The following AREG variants were observed in gnomAD, a reference collection of about 807,000 sequenced individuals.
AREG encodes the protein amphiregulin, also known as amphiregulin B.
AREG carries 16 observed loss-of-function variants against 28.0 expected under a neutral mutation model. The ratio of observed to expected loss-of-function variants is 0.57; its 90% confidence interval spans 0.39 to 0.87. The LOEUF is 0.87. AREG is among the 40% of genes least tolerant of loss of function. The probability of loss-of-function intolerance (pLI) is 0.00; values close to 1 mark genes in which losing one functional copy is unlikely to be tolerated. For missense variants in AREG, 287 were observed against 309.1 expected (o/e 0.93, Z 0.53); for synonymous variants, 113 against 113.5 (o/e 1.00, Z 0.02).
At chr4:74,449,618 G>C (rs950737577) in intron 3 of AREG, among the ~76,000 whole-genome samples, 8 of 152,148 alleles carry the variant, frequency 5.3e-5, no homozygotes, top group Admixed American at 2.0e-4. Flanking sequence ...GAGTACAATG[G>C]TGACAGCCTG....
chr4:74,450,493 C>A lies in AREG; in HGVS notation c.626C>A (p.Ser209Tyr), dbSNP rs766672754. ...IALAAIAAFMSAVILTAVAVI... is the reference protein window; with the variant it reads ...IALAAIAAFMYAVILTAVAVI... ...TTAGCAGCCATAGCTGCCTTTATGTCTGCTGTGATCCTCACAGCTGTTGCT... is the reference window on the plus strand; with the variant it reads ...TTAGCAGCCATAGCTGCCTTTATGTATGCTGTGATCCTCACAGCTGTTGCT... Residue 209 changes from serine to tyrosine, a missense_variant, in exon 4 of 6, where the codon TCT (serine) becomes TAT (tyrosine). Ser to Tyr is a moderately radical substitution (Grantham distance 144). Transcript: ENST00000395748. The A allele has an allele frequency of 6.2e-7, 1 of 1,613,850 alleles. No individual in the cohort carries two copies. The highest frequency in any genetic ancestry group is 1.7e-5 in the Admixed American group (1 of 60,006).
At chr4:74,449,741 C>T (rs1339655855) in intron 3 of AREG, among the ~76,000 whole-genome samples, 5 of 152,024 alleles carry the variant, frequency 3.3e-5, no homozygotes, top group African/African-American at 1.2e-4. Context: ...GGAGACAGAG[C>T]GAGGCCCTGT....
chr4:74,449,273 A>T (rs1719342916), intron 3 of AREG, 25 bp downstream of exon 3: 1 of 1,613,296 alleles, frequency 6.2e-7, no homozygotes, highest in African/African-American at 1.3e-5. Context: ...AGCATATAGA[A>T]TTTTGTATTT....
chr4:74,450,432 C>G lies in AREG; in HGVS notation c.565C>G (p.His189Asp). The G allele has an allele frequency of 6.2e-7, 1 of 1,613,924 alleles. No individual in the cohort carries two copies. Among genetic ancestry groups the G allele is most frequent in the Non-Finnish European group, 8.5e-7 (1 of 1,179,850 alleles). ...GTGTGGGGAAAAGTCCATGAAAACTCACAGCATGATTGACAGTAGTTTATC... is the reference window on the plus strand; with the variant it reads ...GTGTGGGGAAAAGTCCATGAAAACTGACAGCATGATTGACAGTAGTTTATC... ...ERCGEKSMKTHSMIDSSLSKI... is the reference protein window; with the variant it reads ...ERCGEKSMKTDSMIDSSLSKI... Residue 189 changes from histidine to aspartate, a missense_variant, in exon 4 of 6, where the codon CAC becomes GAC. Transcript: ENST00000395748.
chr4:74,449,291 C>T (rs777911063), intron 3 of AREG, 43 bp downstream of exon 3: 3 of 1,612,660 alleles, frequency 1.9e-6, no homozygotes, highest in African/African-American at 1.3e-5. Flanking sequence ...TTTCTAGCAC[C>T]ATGTCTGAAA....
At chr4:74,448,125 T>C (rs1046374483) in intron 2 of AREG, among the ~76,000 whole-genome samples, 8 of 152,238 alleles carry the variant, frequency 5.3e-5, no homozygotes, top group South Asian at 4.1e-4. Context: ...GTGACTTTTT[T>C]ATTTGCCTCT....
chr4:74,447,305 A>AAGG (rs1719309340), intron 2 of AREG, among the ~76,000 whole-genome samples: 1 of 152,202 alleles, frequency 6.6e-6, no homozygotes, highest in Admixed American at 6.5e-5. Flanking sequence ...ATAAGGGGAC[A>AAGG]AGGAAGTAAT....
In AREG at chr4:74,445,355, C is replaced by A; in HGVS notation, c.10C>A (p.Pro4Thr). The A allele has an allele frequency of 1.9e-6, 3 of 1,610,592 alleles. No individual in the cohort carries two copies. The highest frequency in any genetic ancestry group is 1.7e-6 in the Non-Finnish European group (2 of 1,179,442). Residue 4 changes from proline (P) to threonine (T), a missense_variant, in exon 1 of 6, where the codon CCG (proline) becomes ACG (threonine). By Grantham distance (38) the Pro-to-Thr change is conservative. Transcript: ENST00000395748. ...CCGCTGCGAAGGACCAATGAGAGCC[C>A]CGCTGCTACCGCCGGCGCCGGTGGT... MRA[P>T]LLPPAPVVLS...
chr4:74,446,934 A>G (rs1719301039), intron 2 of AREG, 152 bp downstream of exon 2: 4 of 1,508,362 alleles, frequency 2.7e-6, no homozygotes, highest in Non-Finnish European at 3.6e-6. Context: ...AAAAAGAACC[A>G]TAATGTGGGC....
Position 74,445,245 on chromosome 4 carries a change from G to A in AREG, c.-101G>A. 4 of 1,548,590 alleles carry A rather than the reference G, an allele frequency of 2.6e-6. No individual in the cohort carries two copies. Among genetic ancestry groups the A allele is most frequent in the Non-Finnish European group, 1.7e-6 (2 of 1,146,478 alleles). ...CCTTCGAGAGCGGCGCACACTCCCG[G>A]TCTCCACTCGCTCTTCCAACACCCG... On this transcript the variant is annotated 5_prime_UTR_variant, in exon 1 of 6. Transcript: ENST00000395748.
At chr4:74,445,537 G>T (rs1719267971) in intron 1 of AREG, 131 bp downstream of exon 1, 1 of 1,496,692 alleles carries the variant, frequency 6.7e-7, no homozygotes, top group Non-Finnish European at 9.0e-7. Flanking sequence ...GGTGATCACT[G>T]TAGCTCCCTC....
chr4:74,453,007 G>C (rs1719405070), intron 5 of AREG, among the ~76,000 whole-genome samples: 1 of 152,162 alleles, frequency 6.6e-6, no homozygotes, highest in Non-Finnish European at 1.5e-5. Flanking sequence ...GTGAAAAACA[G>C]AAAGAATCCA....
chr4:74,447,455 C>T (rs1034504881), intron 2 of AREG, among the ~76,000 whole-genome samples: 1 of 152,110 alleles, frequency 6.6e-6, no homozygotes, highest in South Asian at 2.1e-4. Flanking sequence ...CTCTTTAACC[C>T]CAAATCCCAT....
chr4:74,452,066 G>A (rs1719389964), intron 4 of AREG, among the ~76,000 whole-genome samples: 1 of 152,250 alleles, frequency 6.6e-6, no homozygotes, highest in Admixed American at 6.5e-5. Flanking sequence ...AAATAATTGA[G>A]TTTTTAAAGT....
At chr4:74,452,070 T>C (rs940208045) in intron 4 of AREG, among the ~76,000 whole-genome samples, 5 of 152,170 alleles carry the variant, frequency 3.3e-5, no homozygotes, top group Admixed American at 6.5e-5. Context: ...AATTGAGTTT[T>C]TAAAGTGGAA....
At chr4:74,451,409 G>C (rs2110412626) in intron 4 of AREG, among the ~76,000 whole-genome samples, 1 of 152,268 alleles carries the variant, frequency 6.6e-6, no homozygotes, top group South Asian at 2.1e-4. Flanking sequence ...TTTAGGTCTT[G>C]GTAAATAACT....
Position 74,445,225 on chromosome 4 carries a change from G to C in AREG, c.-121G>C. On this transcript the variant is annotated 5_prime_UTR_variant, in exon 1 of 6. Coordinates refer to ENST00000395748, the MANE Select transcript of AREG (RefSeq NM_001657.4). ...GCCGCCCCGAGCTCCCCAAGCCTTC[G>C]AGAGCGGCGCACACTCCCGGTCTCC... 6.5e-7 allele frequency: 1 copy of C among 1,528,388 alleles called. No individual in the cohort carries two copies. The highest frequency in any genetic ancestry group is 8.8e-7 in the Non-Finnish European group (1 of 1,133,598). 94.7% of individuals were successfully genotyped at this position (1,528,388 alleles called of 1,614,324 possible).
chr4:74,452,723 T>C, intron 5 of AREG, 68 bp downstream of exon 5: 1 of 1,360,162 alleles, frequency 7.4e-7, no homozygotes, highest in Non-Finnish European at 1.0e-6. Context: ...CTATATAATC[T>C]CAAGAAAAAT....
Position 74,445,304 on chromosome 4 carries a change from GA to G in AREG, c.-41del. 6.3e-7 allele frequency: 1 copy of G among 1,599,594 alleles called. No homozygotes were observed. Among genetic ancestry groups the G allele is most frequent in the Non-Finnish European group, 8.5e-7 (1 of 1,175,116 alleles). ...GGCGGCAGCTCGTGTCCCAGAGACC[GA>G]GTTGCCCCAGAGACCGAGACGCCGC... On this transcript the variant is annotated 5_prime_UTR_variant, in exon 1 of 6. Transcript: ENST00000395748.
Sources: allele counts gnomAD v4.1 joint callset (sites outside exome capture counted in the v4.1 genomes callset), GRCh38; gene constraint gnomAD v4.1.1; transcripts MANE v1.5; gene names NCBI Gene and HGNC (gene_info 2026-07-23, HGNC 2026-07-21).